KIAA1210: variants seen among roughly 807,000 people sequenced by gnomAD.
KIAA1210 encodes KIAA1210, also known as acrosomal protein KIAA1210.
KIAA1210 carries 48 observed loss-of-function variants against 78.9 expected under a neutral mutation model. The observed-to-expected ratio is 0.61, with a 90% CI of 0.48 to 0.77. The LOEUF is 0.77. Among genes scored for constraint, KIAA1210 ranks in the 30% least tolerant of loss-of-function variants. The probability of loss-of-function intolerance (pLI) is 0.00; values close to 1 mark genes in which losing one functional copy is unlikely to be tolerated. For synonymous variants in KIAA1210, 406 were observed against 404.5 expected (o/e 1.00, Z -0.04); for missense variants, 1,108 against 1,100.0 (o/e 1.01, Z -0.10).
rs781432216 is a variant in KIAA1210, at chrX:119,104,894, C to T, written c.648+98G>A. The T allele has an allele frequency of 7.3e-6, 6 of 823,935 alleles. No individual in the cohort carries two copies. In the South Asian group the frequency reaches 1.6e-4, roughly 22 times the overall value. The allele number at this position is 823,935 out of a possible 1,213,427, so 67.9% of individuals were successfully genotyped here. A position where few individuals can be genotyped will look rare whatever the true frequency, so the allele number is the denominator to read the frequency against. On this transcript the variant is annotated intron_variant, in intron 6 of 11. Transcript: ENST00000691062. ...ATGTCAGGTCCTTCCCCAATCATCC[C>T]CCTAGTGTTGAGCTCCAGCGGGAGA...
chrX:119,150,149 G>A (rs534840741), intron 1 of KIAA1210: 1 of 619,679 alleles, frequency 1.6e-6, no homozygotes. Flanking sequence ...TTGACACATA[G>A]AGAAGCTATA....
At position 119,116,396 on chromosome X, in the gene KIAA1210, C is replaced by T. The variant is rs1340139327; in HGVS notation, c.230+100G>A. 7 of 853,005 alleles carry T rather than the reference C, an allele frequency of 8.2e-6. No homozygotes were observed. The African/African-American group carries it at 1.2e-4, about 15-fold the overall frequency. 70.3% of individuals were successfully genotyped at this position (853,005 alleles called of 1,213,427 possible). ...CAAGCCTGGCCCCCACAGGTGGGGA[C>T]TCTTGGTGTCCCTGGTGATTTGGCT... is the stretch of plus-strand genomic sequence containing the variant. On this transcript the variant is annotated intron_variant, in intron 3 of 11. Transcript: ENST00000691062.
At chrX:119,151,123 G>A (rs1366865758), upstream of KIAA1210, among the ~76,000 whole-genome samples, 3 of 112,403 alleles carry the variant, frequency 2.7e-5, no homozygotes, top group South Asian at 7.3e-4. Flanking sequence ...CCCACAGGCC[G>A]AAGCAATAAC....
chrX:119,085,617 C>A (rs1927107880), intron 9 of KIAA1210, 71 bp from the exon 10 acceptor site: 2 of 956,947 alleles, frequency 2.1e-6, no homozygotes, highest in Non-Finnish European at 1.4e-6. Context: ...TGGGGCTTAC[C>A]CACAATAATA....
intron 10 of KIAA1210, 38 bp downstream of exon 10, chrX:119,085,345 C>A (rs1484828321): frequency 1.6e-5 from 19 of 1,163,261 alleles, no homozygotes; most frequent in South Asian, 2.0e-5. Flanking sequence ...ATTCCAGCAA[C>A]CTTTTTGGAG....
At chrX:119,096,260 C>T (rs1168121776) in intron 7 of KIAA1210, among the ~76,000 whole-genome samples, 2 of 112,215 alleles carry the variant, frequency 1.8e-5, no homozygotes, top group African/African-American at 6.5e-5. Flanking sequence ...GTTTCTGCTT[C>T]CTTTTAGTCC....
chrX:119,129,426 A>G (rs1928733574), upstream of KIAA1210, among the ~76,000 whole-genome samples: 1 of 111,190 alleles, frequency 9.0e-6, no homozygotes, highest in African/African-American at 3.3e-5. Flanking sequence ...TTATTTTTAT[A>G]GTGATTATAT....
upstream of KIAA1210, among the ~76,000 whole-genome samples, chrX:119,131,267 G>A (rs1928783227): frequency 8.9e-6 from 1 of 111,975 alleles, no homozygotes; most frequent in Non-Finnish European, 1.9e-5. Flanking sequence ...TTCAGTGTGG[G>A]TGGACCTAAC....
chrX:119,110,647 C>T (rs1928042699), intron 3 of KIAA1210, among the ~76,000 whole-genome samples: 1 of 111,615 alleles, frequency 9.0e-6, no homozygotes, highest in African/African-American at 3.3e-5. Flanking sequence ...TTTCTATACA[C>T]TTGCAATGAA....
At chrX:119,120,239 G>C (rs57489267) in intron 2 of KIAA1210, among the ~76,000 whole-genome samples, 7,248 of 111,627 alleles carry the variant, frequency 0.065, 454 homozygotes, top group African/African-American at 0.2. Flanking sequence ...ATTCTTGACA[G>C]GTGGATCTCA....
intron 1 of KIAA1210, among the ~76,000 whole-genome samples, chrX:119,127,392 G>C (rs1184051181): frequency 9.0e-6 from 1 of 110,976 alleles, no homozygotes; most frequent in African/African-American, 3.3e-5. Context: ...CAAAGAAAGA[G>C]GGCATCTTGG....
chrX:119,150,586 G>A (rs752238816), upstream of KIAA1210: 17 of 1,196,039 alleles, frequency 1.4e-5, no homozygotes, highest in South Asian at 3.7e-5. Flanking sequence ...TCATTTCCCC[G>A]CGTAGAGTTG....
chrX:119,133,671 C>CT (rs1304936746), intron 2 of KIAA1210, among the ~76,000 whole-genome samples: 66 of 95,481 alleles, frequency 6.9e-4, no homozygotes, highest in East Asian at 1.3e-3. Flanking sequence ...TCTTTTCTTT[C>CT]TTTTTTTTTT....
At chrX:119,093,373 G>A (rs1455866) in intron 8 of KIAA1210, among the ~76,000 whole-genome samples, 5,634 of 112,137 alleles carry the variant, frequency 0.05, 365 homozygotes, top group African/African-American at 0.17. Context: ...CGTTAGCCTC[G>A]GAGAGGATGA....
At chrX:119,083,274 A>G (rs759808720) in intron 10 of KIAA1210, among the ~76,000 whole-genome samples, 154 bp from the exon 11 acceptor site, 11 of 112,494 alleles carry the variant, frequency 9.8e-5, no homozygotes, top group Non-Finnish European at 1.7e-4. Context: ...AGAGATAGAT[A>G]AGGAGAGAAA....
At chrX:119,131,860 A>G (rs1232029284), upstream of KIAA1210, among the ~76,000 whole-genome samples, 3 of 112,429 alleles carry the variant, frequency 2.7e-5, no homozygotes, top group African/African-American at 9.7e-5. Flanking sequence ...GGATCACTTG[A>G]GCTCAGGAGT....
chrX:119,118,936 T>C (rs1569320283), intron 2 of KIAA1210, among the ~76,000 whole-genome samples: 2 of 112,049 alleles, frequency 1.8e-5, no homozygotes, highest in African/African-American at 6.5e-5. Context: ...CTCCTTAGCA[T>C]CCCCCTTAGC....
chrX:119,131,446 G>T (rs1475995942), upstream of KIAA1210, among the ~76,000 whole-genome samples: 1 of 111,970 alleles, frequency 8.9e-6, no homozygotes, highest in Non-Finnish European at 1.9e-5. Flanking sequence ...TACCTATAGG[G>T]TACTATGCTC....
At position 119,089,739 on chromosome X, in the gene KIAA1210, T is replaced by A. The variant is rs771084578; in HGVS notation, c.963A>T (p.Ser321=). The change falls in exon 9 of 12, where the codon TCA becomes TCT. Residue 321 remains serine (S), a synonymous_variant. Transcript: ENST00000691062. ...KKLGMDSADS[S]SQKQNNKTEM... is the part of the protein sequence containing the mutation. ...CAGTTTTGTTGTTCTGTTTCTGGCT[T>A]GAGGAATCTGCACCAAACAGAAATA... 1 of 1,196,898 alleles carries A rather than the reference T, an allele frequency of 8.4e-7. No homozygotes were observed. The highest frequency in any genetic ancestry group is 1.8e-5 in the South Asian group (1 of 54,234).
Sources: allele counts gnomAD v4.1 joint callset (sites outside exome capture counted in the v4.1 genomes callset), GRCh38; gene constraint gnomAD v4.1.1; transcripts MANE v1.5; gene names NCBI Gene and HGNC (gene_info 2026-07-23, HGNC 2026-07-21).